Variants in HIF3A observed in about 807,000 individuals in gnomAD.
HIF3A encodes hypoxia-inducible factor 3-alpha.
A neutral mutation model predicts 67.2 loss-of-function variants in HIF3A; 41 were observed. That is an observed-to-expected ratio of 0.61 (90% CI 0.48 to 0.79). The LOEUF is 0.79. HIF3A is among the 30% of genes least tolerant of loss of function. HIF3A has a pLI of 0.00. For synonymous variants in HIF3A, 356 were observed against 374.8 expected, an observed-to-expected ratio of 0.95 and a Z score of 0.58; for missense variants, 855 against 898.0, an observed-to-expected ratio of 0.95 and a Z score of 0.61.
rs142789572 is a variant in HIF3A at position 46,302,728 on chromosome 19, G to T, written c.27-1170G>T. 3.5e-3 allele frequency among the ~76,000 whole-genome samples: 537 copies of T among 152,206 alleles called. 7 individuals carry two copies. Among genetic ancestry groups the T allele is most frequent in the African/African-American group, 0.012 (502 of 41,518 alleles). On this transcript the variant is annotated intron_variant, in intron 1 of 14. Transcript: ENST00000377670. ...GTCTCTACAAAAAATACAAAAATTA[G>T]CTGGGCGTGCTGATACGCACCTGTG...
At chr19:46,309,522 T>A (rs906024422) in intron 6 of HIF3A, among the ~76,000 whole-genome samples, 163 bp downstream of exon 6, 1 of 152,032 alleles carries the variant, frequency 6.6e-6, no homozygotes, top group Non-Finnish European at 1.5e-5. Context: ...CTACATGCCT[T>A]TTATATCTTT....
intron 8 of HIF3A, among the ~76,000 whole-genome samples, chr19:46,316,966 A>G (rs1969964189): frequency 6.6e-6 from 1 of 152,136 alleles, no homozygotes; most frequent in Non-Finnish European, 1.5e-5. Flanking sequence ...TTTTTGAAAT[A>G]AAGTCTTGCT....
chr19:46,332,336 C>G (rs1030131959), intron 13 of HIF3A, among the ~76,000 whole-genome samples: 2 of 151,660 alleles, frequency 1.3e-5, no homozygotes, highest in Admixed American at 6.6e-5. Flanking sequence ...GAGTTCGAGA[C>G]CAGCCTGGGC....
At chr19:46,314,852 C>G (rs1194703360) in intron 8 of HIF3A, among the ~76,000 whole-genome samples, 1 of 146,676 alleles carries the variant, frequency 6.8e-6, no homozygotes, top group African/African-American at 2.5e-5. Flanking sequence ...AGCCACCACA[C>G]CCGGCCATTA....
intron 14 of HIF3A, chr19:46,338,449 T>A: frequency 5.5e-6 from 5 of 902,548 alleles, no homozygotes; most frequent in Non-Finnish European, 7.2e-6. Flanking sequence ...GCGATCCACC[T>A]GCCTTGGCCT....
intron 10 of HIF3A, among the ~76,000 whole-genome samples, chr19:46,323,645 G>A (rs971217273): frequency 6.6e-6 from 1 of 152,006 alleles, no homozygotes; most frequent in Non-Finnish European, 1.5e-5. Context: ...CTGTCTTCAC[G>A]CTGCTGCTAA....
intron 14 of HIF3A, among the ~76,000 whole-genome samples, chr19:46,337,223 G>A (rs1056773545): frequency 2.0e-5 from 3 of 151,990 alleles, no homozygotes; most frequent in African/African-American, 7.3e-5. Context: ...AAGTGCAAAG[G>A]CCCTTAGGTG....
intron 14 of HIF3A, among the ~76,000 whole-genome samples, chr19:46,337,035 A>G (rs1601384129): frequency 6.6e-6 from 1 of 152,072 alleles, no homozygotes; most frequent in Non-Finnish European, 1.5e-5. Flanking sequence ...AGAGTGGGAG[A>G]TGAAAATAAG....
chr19:46,309,203 C>T lies in HIF3A; in HGVS notation c.614C>T (p.Ser205Phe). ...GCCTACAAGCCACCTGCGCAGACTT[C>T]TCCAGCTGGGAGCCCTGACTCAGAG... ...MRAYKPPAQT[S>F]PAGSPDSEPP... The change falls in exon 6 of 15, where the codon TCT becomes TTT. Residue 205 changes from serine (S) to phenylalanine (F), a missense_variant. Around this residue, in one of 3 missense-constraint regions of HIF3A, gnomAD observed 638 missense variants for 660.5 expected, o/e 0.97. Coordinates refer to ENST00000377670, the MANE Select transcript of HIF3A (RefSeq NM_152795.4). 6.2e-7 allele frequency: 1 copy of T among 1,614,144 alleles called. No individual in the cohort carries two copies. Among genetic ancestry groups the T allele is most frequent in the Non-Finnish European group, 8.5e-7 (1 of 1,180,006 alleles).
chr19:46,323,106 A>C (rs1970503562), intron 10 of HIF3A, among the ~76,000 whole-genome samples: 1 of 150,616 alleles, frequency 6.6e-6, no homozygotes. Context: ...GCTGGAGTGC[A>C]ATGGCATGAT....
rs1373011890 is a variant in HIF3A at position 46,309,240 on chromosome 19, G to A, written c.651G>A (p.Gln217=). The A allele has an allele frequency of 6.2e-7, 1 of 1,614,060 alleles. No individual in the cohort carries two copies. Residue 217 remains glutamine, a synonymous_variant, in exon 6 of 15, where the codon CAG becomes CAA. Coordinates refer to ENST00000377670, the MANE Select transcript of HIF3A (RefSeq NM_152795.4). ...AGSPDSEPPL[Q]CLVLICEAIP... Reference sequence around the variant, plus strand: ...GCCCTGACTCAGAGCCCCCGCTGCAGTGCCTGGTGCTCATCTGCGAAGCCA... The same window carrying A: ...GCCCTGACTCAGAGCCCCCGCTGCAATGCCTGGTGCTCATCTGCGAAGCCA...
At chr19:46,305,189 A>G (rs1038044411) in intron 2 of HIF3A, 56 bp from the exon 3 acceptor site, 43 of 1,611,710 alleles carry the variant, frequency 2.7e-5, no homozygotes, top group Non-Finnish European at 3.3e-5. Flanking sequence ...GGGTCAGTCC[A>G]TAATTCAGAC....
intron 8 of HIF3A, among the ~76,000 whole-genome samples, chr19:46,316,606 C>T (rs954544713): frequency 1.3e-5 from 2 of 151,998 alleles, no homozygotes; most frequent in Non-Finnish European, 2.9e-5. Context: ...AGTTCAAGAC[C>T]AGGCTGACCA....
intron 8 of HIF3A, 141 bp from the exon 9 acceptor site, chr19:46,320,302 G>A (rs1970262665): frequency 1.5e-6 from 1 of 662,126 alleles, no homozygotes. Flanking sequence ...AAATAAATGT[G>A]GGCAATTATT....
Position 46,308,793 on chromosome 19 carries a change from A to T in HIF3A, c.561+18A>T. ...CCTGGAAGGTGCGTGGGGCCGGGCC[A>T]GAGGAGGGCGGGGACGCTGGGGCTG... On this transcript the variant is annotated intron_variant, in intron 5 of 14. Coordinates refer to ENST00000377670, the MANE Select transcript of HIF3A (RefSeq NM_152795.4). The T allele has an allele frequency of 6.5e-7, 1 of 1,527,834 alleles. No homozygotes were observed. The highest frequency in any genetic ancestry group is 9.0e-7 in the Non-Finnish European group (1 of 1,114,700). 94.6% of individuals were successfully genotyped at this position (1,527,834 alleles called of 1,614,324 possible).
In HIF3A at chr19:46,312,604, G is replaced by A. The variant is rs769066461; in HGVS notation, c.976G>A (p.Gly326Arg). Reference protein sequence around the residue: ...TQTQATVVSGGRGPQSESIVC... With the variant: ...TQTQATVVSGRRGPQSESIVC... ...GACCCAGGCCACAGTGGTGTCAGGGGGACGGGGCCCCCAGTCGGAGAGTAT... is the reference window on the plus strand; with the variant it reads ...GACCCAGGCCACAGTGGTGTCAGGGAGACGGGGCCCCCAGTCGGAGAGTAT... The change falls in exon 8 of 15, where the codon GGA becomes AGA. Residue 326 changes from glycine (G) to arginine (R), a missense_variant. By Grantham distance (125) the Gly-to-Arg change is moderately radical (BLOSUM62 -2). Coordinates refer to ENST00000377670, the MANE Select transcript of HIF3A (RefSeq NM_152795.4). 19 of 1,596,918 alleles carry A rather than the reference G, an allele frequency of 1.2e-5. 1 individual carries two copies. The highest frequency in any genetic ancestry group is 1.8e-5 in the Admixed American group (1 of 56,678).
chr19:46,309,131 C>G lies in HIF3A; in HGVS notation c.562-20C>G. ...AGGCCCAGAGGCACCACTGCCTTGTCCCCTCATCTCGGCCCCCAGGTGCTG... is the reference window on the plus strand; with the variant it reads ...AGGCCCAGAGGCACCACTGCCTTGTGCCCTCATCTCGGCCCCCAGGTGCTG... On this transcript the variant is annotated intron_variant, in intron 5 of 14. Coordinates refer to ENST00000377670, the MANE Select transcript of HIF3A (RefSeq NM_152795.4). The G allele has an allele frequency of 6.2e-7, 1 of 1,602,104 alleles. No homozygotes were observed. Among genetic ancestry groups the G allele is most frequent in the Non-Finnish European group, 8.5e-7 (1 of 1,171,220 alleles).
At chr19:46,301,715 A>T (rs1348764180) in intron 1 of HIF3A, among the ~76,000 whole-genome samples, 1 of 151,614 alleles carries the variant, frequency 6.6e-6, no homozygotes, top group Admixed American at 6.6e-5. Flanking sequence ...AATCCCAGCT[A>T]CTCGGGAGGC....
rs1321047928 is a variant in HIF3A at position 46,340,543 on chromosome 19, C to T, written c.*921C>T. On this transcript the variant is annotated 3_prime_UTR_variant, in exon 15 of 15. Transcript: ENST00000377670. ...TTTGACAGAGTCTTGCTCTGTCACC[C>T]AGGCTGGAGTGCAGTGGCGCGATTT... 6.6e-6 allele frequency: 1 copy of T among 152,510 alleles called. No individual in the cohort carries two copies. The highest frequency in any genetic ancestry group is 1.5e-5 in the Non-Finnish European group (1 of 68,358). The allele number at this position is 152,510 out of a possible 1,614,324, so 9.4% of individuals were successfully genotyped here. A position where few individuals can be genotyped will look rare whatever the true frequency, so the allele number is the denominator to read the frequency against.
Sources: gnomAD v4.1 joint callset for allele counts (sites outside exome capture counted in the v4.1 genomes callset) on GRCh38, gnomAD v4.1.1 for gene constraint, gnomAD v4.1.1 regional missense constraint, MANE v1.5 for transcripts, NCBI Gene and HGNC (gene_info 2026-07-23, HGNC 2026-07-21) for gene names.